The following PODXL variants were observed in gnomAD, a reference collection of about 807,000 sequenced individuals.
PODXL encodes podocalyxin like, also known as podocalyxin.
PODXL carries 20 observed loss-of-function variants against 48.9 expected under a neutral mutation model. The observed-to-expected ratio is 0.41, with a 90% CI of 0.29 to 0.59. PODXL has a LOEUF of 0.59. Ranked by LOEUF, PODXL falls within the 20% of genes least tolerant of loss-of-function variation. PODXL has a pLI of 0.31. For synonymous variants in PODXL, 295 were observed against 287.4 expected, an observed-to-expected ratio of 1.03 and a Z score of -0.27; for missense variants, 606 against 675.1, an observed-to-expected ratio of 0.90 and a Z score of 1.13.
chr7:131,511,395 G>C lies in PODXL; in HGVS notation c.139C>G (p.Pro47Ala), dbSNP rs1214399160. 1.9e-6 allele frequency: 3 copies of C among 1,603,410 alleles called. No homozygotes were observed. Among genetic ancestry groups the C allele is most frequent in the Non-Finnish European group, 8.5e-7 (1 of 1,179,806 alleles). The change falls in exon 2 of 9, where the codon CCG becomes GCG. Residue 47 changes from proline to alanine, a missense_variant. By Grantham distance (27) the Pro-to-Ala change is conservative (BLOSUM62 -1). Coordinates refer to ENST00000378555, the MANE Select transcript of PODXL (RefSeq NM_001018111.3). Reference protein sequence around the residue: ...TTTDSSNKTAPTPASSVTIMA... With the variant: ...TTTDSSNKTAATPASSVTIMA... ...ATGGTGACACTGGATGCTGGAGTCG[G>C]TGCTGTTTTGTTAGATGAGTCCGTA... is the stretch of plus-strand genomic sequence containing the variant.
chr7:131,533,225 C>A (rs1798312475), intron 1 of PODXL, among the ~76,000 whole-genome samples: 1 of 152,132 alleles, frequency 6.6e-6, no homozygotes, highest in South Asian at 2.1e-4. Flanking sequence ...TTCCCTGGGA[C>A]CCTGGCAGGT....
At chr7:131,513,510 A>G (rs1797948848) in intron 1 of PODXL, among the ~76,000 whole-genome samples, 1 of 152,232 alleles carries the variant, frequency 6.6e-6, no homozygotes, top group Admixed American at 6.5e-5. Flanking sequence ...ACTTGATGGC[A>G]GCAGAATCTG....
intron 1 of PODXL, among the ~76,000 whole-genome samples, chr7:131,551,804 G>C (rs1798672566): frequency 6.6e-6 from 1 of 152,140 alleles, no homozygotes; most frequent in South Asian, 2.1e-4. Context: ...GGGCGTGGAG[G>C]TGGGCGCCTG....
At position 131,511,825 on chromosome 7, in the gene PODXL, C is replaced by G. The variant is rs569634349; in HGVS notation, c.101-392G>C. Among the ~76,000 whole-genome samples, 38 of 152,318 alleles carry G rather than the reference C, an allele frequency of 2.5e-4. 1 individual carries two copies. Among genetic ancestry groups the G allele is most frequent in the Admixed American group, 2.0e-4 (3 of 15,304 alleles). On this transcript the variant is annotated intron_variant, in intron 1 of 8. Transcript: ENST00000378555. ...AGCAAAATTCTGCTGAAGGCGAGCC[C>G]AGGCCAATGAGGCCCACCACACGTG...
At chr7:131,530,283 G>A (rs1339778441) in intron 1 of PODXL, among the ~76,000 whole-genome samples, 1 of 152,052 alleles carries the variant, frequency 6.6e-6, no homozygotes, top group African/African-American at 2.4e-5. Context: ...GGATCAGTAA[G>A]GGACCTGGGG....
intron 1 of PODXL, among the ~76,000 whole-genome samples, chr7:131,513,384 T>C (rs1402423712): frequency 6.6e-6 from 1 of 152,178 alleles, no homozygotes; most frequent in East Asian, 1.9e-4. Flanking sequence ...GATTCCTAGT[T>C]TTCTGTCTGG....
intron 1 of PODXL, among the ~76,000 whole-genome samples, chr7:131,531,032 TGG>T (rs1562912251): frequency 5.3e-5 from 8 of 152,080 alleles, no homozygotes; most frequent in Admixed American, 4.6e-4. Flanking sequence ...CACTCCAGTC[TGG>T]GCAACAAGAG....
chr7:131,504,233 C>T lies in PODXL; in HGVS notation c.*78G>A. The T allele has an allele frequency of 8.1e-7, 1 of 1,229,650 alleles. No individual in the cohort carries two copies. Among genetic ancestry groups the T allele is most frequent in the Non-Finnish European group, 1.2e-6 (1 of 850,454 alleles). The allele number at this position is 1,229,650 out of a possible 1,614,324, so 76.2% of individuals were successfully genotyped here. A position where few individuals can be genotyped will look rare whatever the true frequency, so the allele number is the denominator to read the frequency against. On this transcript the variant is annotated 3_prime_UTR_variant, in exon 9 of 9. Coordinates refer to ENST00000378555, the MANE Select transcript of PODXL (RefSeq NM_001018111.3). The stretch of plus-strand genomic sequence containing the variant: ...AGTTCACTCTCCCTCCCCAGTCTTT[C>T]CCTTCCCCATCCAAACGGCACTTGG...
Position 131,556,280 on chromosome 7 carries a change from GAC to G in PODXL, c.78_79del (p.Ser27AlafsTer16), listed in dbSNP as rs756063844. The G allele has an allele frequency of 9.9e-4, 1,448 of 1,462,954 alleles. 15 individuals carry two copies. In the African/African-American group the frequency reaches 0.024, roughly 24 times the overall value. The allele number at this position is 1,462,954 out of a possible 1,614,324, so 90.6% of individuals were successfully genotyped here. A position where few individuals can be genotyped will look rare whatever the true frequency, so the allele number is the denominator to read the frequency against. On this transcript the variant is annotated frameshift_variant, in exon 1 of 9. Coordinates refer to ENST00000378555, the MANE Select transcript of PODXL (RefSeq NM_001018111.3). LOFTEE classifies it high-confidence loss of function. ...CTCACCATTCTGGGAGGGCGACGGC[GAC>G]GGCGACGGCGACGACGGCAGCAGCG...
chr7:131,552,746 C>A (rs1004605886), intron 1 of PODXL, among the ~76,000 whole-genome samples: 1 of 152,198 alleles, frequency 6.6e-6, no homozygotes, highest in East Asian at 1.9e-4. Context: ...CCAAGCTGCA[C>A]CATGCTGGGA....
At chr7:131,507,223 C>A (rs558521626) in intron 5 of PODXL, among the ~76,000 whole-genome samples, 1 of 152,198 alleles carries the variant, frequency 6.6e-6, no homozygotes, top group Non-Finnish European at 1.5e-5. Flanking sequence ...GTCTCTACCC[C>A]CAAAGCTGAA....
intron 1 of PODXL, among the ~76,000 whole-genome samples, chr7:131,516,744 T>TTC: frequency 6.7e-6 from 1 of 148,686 alleles, no homozygotes; most frequent in Non-Finnish European, 1.5e-5. Flanking sequence ...CTCTTTTTTT[T>TTC]TTTTTTTTTG....
intron 1 of PODXL, among the ~76,000 whole-genome samples, chr7:131,543,487 CATA>C (rs972329124): frequency 2.0e-5 from 3 of 152,162 alleles, no homozygotes; most frequent in African/African-American, 7.2e-5. Flanking sequence ...ATCCCAGAGT[CATA>C]ATGTTACAGC....
chr7:131,540,710 G>A (rs138187578), intron 1 of PODXL, among the ~76,000 whole-genome samples: 107 of 152,246 alleles, frequency 7.0e-4, no homozygotes, highest in African/African-American at 2.4e-3. Flanking sequence ...CGCCACCTCC[G>A]GCCTCCTGCA....
At chr7:131,551,432 G>C (rs1798665768) in intron 1 of PODXL, among the ~76,000 whole-genome samples, 1 of 152,206 alleles carries the variant, frequency 6.6e-6, no homozygotes, top group Non-Finnish European at 1.5e-5. Flanking sequence ...TGGTGGGTAG[G>C]GATGGGCAGG....
Position 131,500,287 on chromosome 7 carries a change from T to TA in PODXL, c.*4023_*4024insT, listed in dbSNP as rs1797677246. The TA allele has an allele frequency of 2.0e-5, 3 of 152,422 alleles. No homozygotes were observed. The highest frequency in any genetic ancestry group is 2.9e-5 in the Non-Finnish European group (2 of 68,036). 9.4% of individuals were successfully genotyped at this position (152,422 alleles called of 1,614,324 possible). On this transcript the variant is annotated 3_prime_UTR_variant, in exon 9 of 9. Coordinates refer to ENST00000378555, the MANE Select transcript of PODXL (RefSeq NM_001018111.3). ...TTGAACCAGTTTACACAAAAACACT[T>TA]TAATTGACAGTATACAATTTTCCAA...
At chr7:131,546,898 C>T (rs372930991) in intron 1 of PODXL, among the ~76,000 whole-genome samples, 10 of 152,262 alleles carry the variant, frequency 6.6e-5, no homozygotes, top group African/African-American at 2.2e-4. Context: ...TCTAAAACTG[C>T]GGTCTCCAAC....
intron 1 of PODXL, among the ~76,000 whole-genome samples, chr7:131,544,208 G>T (rs1798526610): frequency 6.6e-6 from 1 of 152,326 alleles, no homozygotes; most frequent in South Asian, 2.1e-4. Flanking sequence ...CACCAGCCCT[G>T]TGTACATGTG....
At chr7:131,505,805 G>C in intron 8 of PODXL, 63 bp downstream of exon 8, 1 of 1,447,606 alleles carries the variant, frequency 6.9e-7, no homozygotes, top group Admixed American at 2.1e-5. Flanking sequence ...CGGGAATCAC[G>C]AGGGGAGGGT....
Sources: gnomAD v4.1 joint callset for allele counts (sites outside exome capture counted in the v4.1 genomes callset) on GRCh38, gnomAD v4.1.1 for gene constraint, MANE v1.5 for transcripts, NCBI Gene and HGNC (gene_info 2026-07-23, HGNC 2026-07-21) for gene names.